HOXD3: variants seen among roughly 807,000 people sequenced by gnomAD.
The protein encoded by HOXD3 is homeobox protein Hox-D3.
A neutral mutation model predicts 32.8 loss-of-function variants in HOXD3; 13 were observed. The ratio of observed to expected loss-of-function variants is 0.40; its 90% CI spans 0.26 to 0.63. The LOEUF is 0.63. HOXD3 is among the 20% of genes least tolerant of loss of function. HOXD3 has a pLI of 0.44. For missense variants in HOXD3, 504 were observed against 577.1 expected, an observed-to-expected ratio of 0.87 and a Z score of 1.30; for synonymous variants, 241 against 246.8, an observed-to-expected ratio of 0.98 and a Z score of 0.22.
rs763216258 is a variant in HOXD3 at position 176,171,791 on chromosome 2, G to C, written c.816G>C (p.Pro272=). Residue 272 remains proline, a synonymous_variant, in exon 4 of 4, where the codon CCG becomes CCC. Coordinates refer to ENST00000683222, the MANE Select transcript of HOXD3 (RefSeq NM_006898.5). ...PASQSPERSP[P]LGGAAGHVAY... ...GCCAGTCCCCTGAGCGCAGCCCACC[G>C]CTCGGCGGCGCCGCTGGCCACGTGG... The C allele has an allele frequency of 6.2e-7, 1 of 1,613,060 alleles. No individual in the cohort carries two copies. The highest frequency in any genetic ancestry group is 8.5e-7 in the Non-Finnish European group (1 of 1,179,574).
chr2:176,159,767 C>CTCAT (rs1690738579), intron 1 of HOXD3, among the ~76,000 whole-genome samples: 1 of 152,184 alleles, frequency 6.6e-6, no homozygotes, highest in African/African-American at 2.4e-5. Flanking sequence ...CCAGCCAGGA[C>CTCAT]TCATTGCGCA....
At position 176,169,306 on chromosome 2, in the gene HOXD3, A is replaced by C; in HGVS notation, c.192A>C (p.Pro64=). 6.2e-7 allele frequency: 1 copy of C among 1,613,610 alleles called. No homozygotes were observed. The highest frequency in any genetic ancestry group is 1.1e-5 in the South Asian group (1 of 91,042). The part of the protein sequence containing the change: ...AAASSLDTDY[P]GSACSIQSSA... The stretch of plus-strand genomic sequence containing the variant: ...CCAGCTCCCTGGACACTGACTATCC[A>C]GGTTCTGCCTGCTCCATCCAGAGCT... Residue 64 remains proline, a synonymous_variant, in exon 3 of 4, where the codon CCA becomes CCC. Transcript: ENST00000683222.
chr2:176,156,975 G>A (rs1044132879), upstream of HOXD3, among the ~76,000 whole-genome samples: 2 of 152,262 alleles, frequency 1.3e-5, no homozygotes, highest in African/African-American at 2.4e-5. Flanking sequence ...GGCTCCTCCC[G>A]TGCCCACCAA....
At position 176,172,199 on chromosome 2, in the gene HOXD3, C is replaced by T; in HGVS notation, c.1224C>T (p.Pro408=). 1 of 1,612,460 alleles carries T rather than the reference C, an allele frequency of 6.2e-7. No individual in the cohort carries two copies. The highest frequency in any genetic ancestry group is 8.5e-7 in the Non-Finnish European group (1 of 1,179,970). ...NHHHGPCDPH[P]TYTDLSAHHS... is the part of the protein sequence containing the mutation. Reference sequence around the variant, plus strand: ...ACCATGGACCTTGCGACCCTCATCCCACCTACACAGATCTCTCGGCCCACC... The same window carrying T: ...ACCATGGACCTTGCGACCCTCATCCTACCTACACAGATCTCTCGGCCCACC... The change falls in exon 4 of 4, where the codon CCC becomes CCT. Residue 408 remains proline (P), a synonymous_variant. Coordinates refer to ENST00000683222, the MANE Select transcript of HOXD3 (RefSeq NM_006898.5).
rs1009460043 is a variant in HOXD3 at position 176,169,716 on chromosome 2, C to T, written c.541+61C>T. ...CCCCTCCAGATTGACCCAAGGAAGC[C>T]TAGTCAGGGCTGGAAATGCAACCTT... On this transcript the variant is annotated intron_variant, in intron 3 of 3. Transcript: ENST00000683222. 3.3e-6 allele frequency: 5 copies of T among 1,515,322 alleles called. No homozygotes were observed. In the African/African-American group the frequency reaches 7.0e-5, roughly 21 times the overall value. The allele number at this position is 1,515,322 out of a possible 1,614,324, so 93.9% of individuals were successfully genotyped here. A position where few individuals can be genotyped will look rare whatever the true frequency, so the allele number is the denominator to read the frequency against.
intron 1 of HOXD3, among the ~76,000 whole-genome samples, chr2:176,163,025 AGGG>A (rs1180800288): frequency 6.6e-6 from 1 of 151,106 alleles, no homozygotes; most frequent in African/African-American, 2.4e-5. Context: ...CGCTTGGGGG[AGGG>A]GGGCGGGCAA....
At chr2:176,168,589 T>C (rs1225677526) in intron 2 of HOXD3, among the ~76,000 whole-genome samples, 2 of 71,146 alleles carry the variant, frequency 2.8e-5, no homozygotes, top group East Asian at 6.7e-4. Context: ...AACAAAACAC[T>C]AAGACATGTA....
upstream of HOXD3, chr2:176,152,633 A>G (rs1690564161): frequency 6.8e-6 from 11 of 1,613,374 alleles, no homozygotes; most frequent in Non-Finnish European, 9.3e-6. The surrounding 1 kb of genome is among the most constrained non-coding windows in gnomAD (Gnocchi z 5.2). Flanking sequence ...CCGGTGGGGA[A>G]CCCAAGCGGT....
intron 1 of HOXD3, among the ~76,000 whole-genome samples, chr2:176,160,225 C>A (rs1011182136): frequency 6.6e-6 from 1 of 152,158 alleles, no homozygotes; most frequent in African/African-American, 2.4e-5. Flanking sequence ...ACTCCGCGGG[C>A]CCGGGAAGCT....
chr2:176,153,025 G>A, upstream of HOXD3: 2 of 1,369,288 alleles, frequency 1.5e-6, no homozygotes, highest in South Asian at 1.2e-5. Context: ...CTGTCACCTC[G>A]CTGGGCTCTA....
chr2:176,167,658 T>C (rs66727747), intron 2 of HOXD3, among the ~76,000 whole-genome samples: 38,993 of 149,468 alleles, frequency 0.26, 5,453 homozygotes, highest in Non-Finnish European at 0.31. Flanking sequence ...CAAGATGCTG[T>C]GATTTTGAAA....
intron 2 of HOXD3, among the ~76,000 whole-genome samples, chr2:176,167,557 C>T (rs1287970641): frequency 6.6e-6 from 1 of 152,108 alleles, no homozygotes; most frequent in Non-Finnish European, 1.5e-5. Flanking sequence ...CCCTAGTTTT[C>T]TACATTGTAG....
Position 176,158,002 on chromosome 2 carries a change from G to A in HOXD3, c.-181+550G>A, listed in dbSNP as rs116964773. On this transcript the variant is annotated intron_variant, in intron 1 of 3. Coordinates refer to ENST00000683222, the MANE Select transcript of HOXD3 (RefSeq NM_006898.5). ...ATTTTTCTTTGCGTCATAATAGAAG[G>A]CTATAAAATCGAGTTGAAATTTTAC... Among the ~76,000 whole-genome samples the A allele has an allele frequency of 3.3e-4, 50 of 152,270 alleles. No individual in the cohort carries two copies. The East Asian group carries it at 9.7e-3, about 29-fold the overall frequency.
intron 1 of HOXD3, among the ~76,000 whole-genome samples, chr2:176,163,359 G>A (rs1690865927): frequency 6.6e-6 from 1 of 151,652 alleles, no homozygotes; most frequent in South Asian, 2.1e-4. Flanking sequence ...GTGGTCACCC[G>A]CTGAGCGGTG....
chr2:176,153,606 A>G (rs1260213101), upstream of HOXD3, among the ~76,000 whole-genome samples: 2 of 152,290 alleles, frequency 1.3e-5, no homozygotes, highest in East Asian at 3.9e-4. Flanking sequence ...CATGCCAAAA[A>G]TCTTAAAAAG....
intron 2 of HOXD3, among the ~76,000 whole-genome samples, chr2:176,168,275 A>C (rs905394576): frequency 6.6e-6 from 1 of 150,778 alleles, no homozygotes; most frequent in Non-Finnish European, 1.5e-5. Flanking sequence ...AAAAAAAAAA[A>C]AAAAACTAAG....
At chr2:176,156,736 T>C (rs574583044), upstream of HOXD3, among the ~76,000 whole-genome samples, 8 of 152,222 alleles carry the variant, frequency 5.3e-5, no homozygotes, top group East Asian at 1.5e-3. Context: ...AGGGCTTCTT[T>C]ACATCTTGGC....
upstream of HOXD3, among the ~76,000 whole-genome samples, chr2:176,154,833 T>A (rs72927168): frequency 0.024 from 3,701 of 152,330 alleles, 58 homozygotes; most frequent in Middle Eastern, 0.044. Flanking sequence ...TAAAGATGGA[T>A]ATTCGTGCAT....
chr2:176,153,341 G>A (rs915334495), upstream of HOXD3: 8 of 213,070 alleles, frequency 3.8e-5, no homozygotes, highest in Non-Finnish European at 7.6e-5. Flanking sequence ...ATAATGTGGG[G>A]GAGTTGAGGC....
Sources: allele counts gnomAD v4.1 joint callset (sites outside exome capture counted in the v4.1 genomes callset), GRCh38; gene constraint gnomAD v4.1.1; non-coding constraint Gnocchi (gnomAD v3.1); transcripts MANE v1.5; gene names NCBI Gene and HGNC (gene_info 2026-07-23, HGNC 2026-07-21).